The following CAMK4 variants were observed in gnomAD, a reference collection of about 807,000 sequenced individuals.
The protein encoded by CAMK4 is calcium/calmodulin dependent protein kinase IV, also known as calcium/calmodulin-dependent protein kinase type IV.
A neutral mutation model predicts 44.9 loss-of-function variants in CAMK4; 22 were observed. The observed-to-expected ratio is 0.49, with a 90% CI of 0.35 to 0.70. CAMK4 has a LOEUF of 0.70. Ranked by LOEUF, CAMK4 falls within the 30% of genes least tolerant of loss-of-function variation. The probability of loss-of-function intolerance (pLI) is 0.01; values close to 1 mark genes in which losing one functional copy is unlikely to be tolerated. For synonymous variants in CAMK4, 218 were observed against 215.4 expected (o/e 1.01, Z -0.11); for missense variants, 498 against 586.8 (o/e 0.85, Z 1.56).
At chr5:111,361,879 T>C (rs934683006) in intron 2 of CAMK4, among the ~76,000 whole-genome samples, 20 of 152,142 alleles carry the variant, frequency 1.3e-4, no homozygotes, top group African/African-American at 4.6e-4. Flanking sequence ...TTTTTTAGAA[T>C]AACAATAAAA....
intron 1 of CAMK4, among the ~76,000 whole-genome samples, chr5:111,232,652 C>T (rs952084521): frequency 6.6e-6 from 1 of 152,026 alleles, no homozygotes; most frequent in Admixed American, 6.6e-5. Context: ...GAGAGAAAAA[C>T]GTCAGCTATA....
chr5:111,371,735 G>A (rs1751012781), intron 2 of CAMK4, among the ~76,000 whole-genome samples: 1 of 152,158 alleles, frequency 6.6e-6, no homozygotes, highest in Admixed American at 6.5e-5. Context: ...ACAATATGAT[G>A]GAGGTTATGA....
intron 5 of CAMK4, among the ~76,000 whole-genome samples, chr5:111,408,302 G>A (rs555727853): frequency 6.6e-6 from 1 of 152,284 alleles, no homozygotes; most frequent in East Asian, 1.9e-4. Context: ...AGGTTTAATG[G>A]ATTCACAGTT....
intron 1 of CAMK4, among the ~76,000 whole-genome samples, chr5:111,296,621 A>C (rs1338055595): frequency 2.0e-5 from 3 of 152,242 alleles, no homozygotes; most frequent in Non-Finnish European, 4.4e-5. Context: ...TCTATAAATG[A>C]GTATAGATAG....
At chr5:111,392,029 A>T (rs886413349) in intron 4 of CAMK4, among the ~76,000 whole-genome samples, 2 of 128,174 alleles carry the variant, frequency 1.6e-5, no homozygotes, top group African/African-American at 3.0e-5. Context: ...AGCAATCAAG[A>T]AGTTTATCTT....
At chr5:111,312,219 G>T (rs1480540745) in intron 1 of CAMK4, among the ~76,000 whole-genome samples, 1 of 152,128 alleles carries the variant, frequency 6.6e-6, no homozygotes, top group Non-Finnish European at 1.5e-5. Flanking sequence ...ACTCCTAATA[G>T]ATGCCCAGAG....
At chr5:111,323,261 G>A (rs1475916800) in intron 1 of CAMK4, among the ~76,000 whole-genome samples, 1 of 152,000 alleles carries the variant, frequency 6.6e-6, no homozygotes, top group Non-Finnish European at 1.5e-5. Context: ...ACAAAGATAT[G>A]ATATACAGAC....
At chr5:111,388,311 T>C (rs1002562986) in intron 4 of CAMK4, among the ~76,000 whole-genome samples, 2 of 152,168 alleles carry the variant, frequency 1.3e-5, no homozygotes, top group African/African-American at 4.8e-5. Context: ...ACATTACATC[T>C]ATGATAATGT....
intron 2 of CAMK4, among the ~76,000 whole-genome samples, chr5:111,368,493 C>T (rs929954667): frequency 6.6e-6 from 1 of 152,088 alleles, no homozygotes; most frequent in African/African-American, 2.4e-5. Flanking sequence ...GTGTGATCTC[C>T]AAGACATGAT....
At chr5:111,245,731 G>A (rs1026415615) in intron 1 of CAMK4, among the ~76,000 whole-genome samples, 8 of 152,178 alleles carry the variant, frequency 5.3e-5, no homozygotes, top group Non-Finnish European at 1.2e-4. Flanking sequence ...TTTGAAAGTG[G>A]TAAGATGACT....
In CAMK4 at chr5:111,431,893, C is replaced by T. The variant is rs115430576; in HGVS notation, c.460-14793C>T. Among the ~76,000 whole-genome samples, 468 of 152,220 alleles carry T rather than the reference C, an allele frequency of 3.1e-3. 4 individuals are homozygous for T. The highest frequency in any genetic ancestry group is 0.011 in the African/African-American group (443 of 41,558). ...TGGTGAGGATGTAGAGAAAAGGGAACCCTTGTACAACGTTGTTGAGAAGGT... is the reference window on the plus strand; with the variant it reads ...TGGTGAGGATGTAGAGAAAAGGGAATCCTTGTACAACGTTGTTGAGAAGGT... On this transcript the variant is annotated intron_variant, in intron 5 of 10. Coordinates refer to ENST00000282356, the MANE Select transcript of CAMK4 (RefSeq NM_001744.6).
intron 9 of CAMK4, among the ~76,000 whole-genome samples, chr5:111,479,181 G>A (rs1433020841): frequency 6.6e-6 from 1 of 152,116 alleles, no homozygotes; most frequent in Non-Finnish European, 1.5e-5. Context: ...ACCCAGCCTA[G>A]ATATACTTCA....
intron 1 of CAMK4, among the ~76,000 whole-genome samples, chr5:111,281,235 C>T (rs551934594): frequency 6.6e-6 from 1 of 152,294 alleles, no homozygotes; most frequent in Admixed American, 6.5e-5. Context: ...CTGGACAGTT[C>T]TGTGGTGCTG....
chr5:111,472,499 A>G, intron 7 of CAMK4, among the ~76,000 whole-genome samples: 1 of 152,188 alleles, frequency 6.6e-6, no homozygotes, highest in Non-Finnish European at 1.5e-5. Flanking sequence ...TTAGGCAAAC[A>G]AATAACACCC....
chr5:111,318,755 A>C (rs1234772687), intron 1 of CAMK4, among the ~76,000 whole-genome samples: 2 of 152,186 alleles, frequency 1.3e-5, no homozygotes, highest in African/African-American at 4.8e-5. Context: ...GGAAACAAAT[A>C]CAAATATTTG....
intron 1 of CAMK4, among the ~76,000 whole-genome samples, chr5:111,337,632 C>G (rs1346424303): frequency 1.3e-5 from 2 of 150,428 alleles, no homozygotes; most frequent in African/African-American, 4.9e-5. Context: ...TACTTTCAGA[C>G]TAGGTGGTCT....
At position 111,448,498 on chromosome 5, in the gene CAMK4, C is replaced by A. The variant is rs563603296; in HGVS notation, c.551-631C>A. Among the ~76,000 whole-genome samples, 11 of 152,274 alleles carry A rather than the reference C, an allele frequency of 7.2e-5. No homozygotes were observed. The South Asian group carries it at 1.2e-3, about 17-fold the overall frequency. On this transcript the variant is annotated intron_variant, in intron 6 of 10. Transcript: ENST00000282356. The stretch of plus-strand genomic sequence containing the variant: ...AACATTAGACAAAATATAACTATTG[C>A]AACTATTACTTTAAGAAAAAATAGC...
At chr5:111,397,973 T>C (rs550136807) in intron 5 of CAMK4, among the ~76,000 whole-genome samples, 2 of 152,286 alleles carry the variant, frequency 1.3e-5, no homozygotes, top group South Asian at 4.1e-4. Context: ...TGCTTATCTA[T>C]ATGCGAGTAA....
At chr5:111,408,066 G>A (rs558033521) in intron 5 of CAMK4, among the ~76,000 whole-genome samples, 2 of 152,046 alleles carry the variant, frequency 1.3e-5, no homozygotes, top group East Asian at 3.9e-4. Context: ...CCAAGATCAC[G>A]CCACTGCACT....
Sources: allele counts gnomAD v4.1 joint callset (sites outside exome capture counted in the v4.1 genomes callset), GRCh38; gene constraint gnomAD v4.1.1; transcripts MANE v1.5; gene names NCBI Gene and HGNC (gene_info 2026-07-23, HGNC 2026-07-21).